The following NCOA1 variants were observed in gnomAD, a reference collection of about 807,000 sequenced individuals.
NCOA1 encodes the protein nuclear receptor coactivator 1, also known as Hin-2 protein.
In NCOA1, 35 loss-of-function variants were observed where a neutral mutation model predicts 150.9. That is an observed-to-expected ratio of 0.23 (90% CI 0.18 to 0.31). The LOEUF (loss-of-function observed/expected upper bound fraction) is 0.31, where lower values mean the gene tolerates loss of function less well. Among genes scored for constraint, NCOA1 ranks in the 10% least tolerant of loss-of-function variants. The probability of loss-of-function intolerance (pLI) is 1.00; values close to 1 mark genes in which losing one functional copy is unlikely to be tolerated. For missense variants in NCOA1, 1,491 were observed against 1,749.3 expected (o/e 0.85, Z 2.63); for synonymous variants, 590 against 630.0 (o/e 0.94, Z 0.95).
intron 3 of NCOA1, among the ~76,000 whole-genome samples, chr2:24,614,196 A>ATTTTTT (rs1558840251): frequency 7.6e-5 from 1 of 13,160 alleles, no homozygotes; most frequent in Non-Finnish European, 1.8e-4. Flanking sequence ...ATTCATTTCC[A>ATTTTTT]TTCTTTTTTT....
intron 1 of NCOA1, among the ~76,000 whole-genome samples, chr2:24,536,490 C>T (rs970664922): frequency 2.6e-5 from 4 of 152,140 alleles, no homozygotes; most frequent in East Asian, 1.9e-4. Flanking sequence ...AGCTCTGTTC[C>T]GTTCCTGGCA....
chr2:24,692,732 T>C (rs1672721791), intron 9 of NCOA1, among the ~76,000 whole-genome samples: 3 of 152,242 alleles, frequency 2.0e-5, no homozygotes, highest in South Asian at 2.1e-4. Context: ...TAGGAAGGAA[T>C]GGTTTATGCC....
At chr2:24,609,681 G>T (rs1668534587) in intron 3 of NCOA1, among the ~76,000 whole-genome samples, 1 of 151,458 alleles carries the variant, frequency 6.6e-6, no homozygotes, top group East Asian at 1.9e-4. Context: ...TCTTTATTGT[G>T]CATTTGATTT....
chr2:24,549,031 A>C (rs1665721619), intron 1 of NCOA1, among the ~76,000 whole-genome samples: 1 of 151,970 alleles, frequency 6.6e-6, no homozygotes, highest in African/African-American at 2.4e-5. Flanking sequence ...TCTGACCCCC[A>C]CATTTCCCTT....
intron 17 of NCOA1, among the ~76,000 whole-genome samples, chr2:24,730,026 A>G (rs894076909): frequency 6.6e-6 from 1 of 151,992 alleles, no homozygotes; most frequent in Non-Finnish European, 1.5e-5. Context: ...TTATATTTTT[A>G]GTAAAGACAG....
Position 24,523,520 on chromosome 2 carries a change from G to A in NCOA1, c.-396+31918G>A, listed in dbSNP as rs543383771. 5.4e-4 allele frequency among the ~76,000 whole-genome samples: 79 copies of A among 145,186 alleles called. 1 individual carries two copies. Among genetic ancestry groups the A allele is most frequent in the African/African-American group, 1.9e-3 (74 of 39,410 alleles). On this transcript the variant is annotated intron_variant, in intron 1 of 22. Transcript: ENST00000348332. ...ACTCGGGAGGCTGAGGCAGGAGAAT[G>A]GCGTGAACCCGGGAGATGGAGCTTA...
At chr2:24,510,953 A>G (rs1349364522) in intron 1 of NCOA1, among the ~76,000 whole-genome samples, 1 of 152,172 alleles carries the variant, frequency 6.6e-6, no homozygotes, top group African/African-American at 2.4e-5. Flanking sequence ...GTAATATCAA[A>G]CTTTTGTTTC....
intron 3 of NCOA1, among the ~76,000 whole-genome samples, chr2:24,629,845 TATGTA>T (rs1183648243): frequency 7.1e-6 from 1 of 141,754 alleles, no homozygotes; most frequent in East Asian, 2.1e-4. Context: ...TATATATATA[TATGTA>T]TTTTTTTTTT....
intron 3 of NCOA1, among the ~76,000 whole-genome samples, chr2:24,639,904 GTATGTGTGTGTGTATATATATA>G (rs1670105817): frequency 2.0e-5 from 1 of 49,584 alleles, no homozygotes. Context: ...AAAAAAAAAA[GTATGTGTGTGTGTATATATATA>G]TATATATATA....
chr2:24,751,945 A>G, intron 19 of NCOA1, 37 bp from the exon 20 acceptor site: 4 of 1,544,288 alleles, frequency 2.6e-6, no homozygotes, highest in Non-Finnish European at 3.5e-6. Flanking sequence ...ATAAATTTAT[A>G]GTGTATCAAC....
chr2:24,550,630 A>G (rs753482084), intron 1 of NCOA1, among the ~76,000 whole-genome samples: 39 of 152,224 alleles, frequency 2.6e-4, no homozygotes, highest in Non-Finnish European at 4.4e-4. Flanking sequence ...TTGGGTGGGG[A>G]CACAGCCAAA....
At chr2:24,715,208 A>C (rs1288189226) in intron 14 of NCOA1, among the ~76,000 whole-genome samples, 1 of 152,170 alleles carries the variant, frequency 6.6e-6, no homozygotes, top group Non-Finnish European at 1.5e-5. Flanking sequence ...TACAGAAAAT[A>C]ATAAGAGAGC....
intron 3 of NCOA1, among the ~76,000 whole-genome samples, chr2:24,589,400 G>A (rs1667550273): frequency 6.6e-6 from 1 of 152,160 alleles, no homozygotes; most frequent in Admixed American, 6.5e-5. Context: ...CTCTGGCAAA[G>A]TCGTCAATCT....
At chr2:24,588,631 T>C (rs1242320930) in intron 3 of NCOA1, among the ~76,000 whole-genome samples, 1 of 152,158 alleles carries the variant, frequency 6.6e-6, no homozygotes, top group Admixed American at 6.5e-5. Context: ...GTCTTTAGAG[T>C]TGTACTGGCC....
chr2:24,719,959 C>A (rs1284886147), intron 14 of NCOA1, among the ~76,000 whole-genome samples: 6 of 152,082 alleles, frequency 3.9e-5, no homozygotes, highest in African/African-American at 1.2e-4. Context: ...GAACAAAGTG[C>A]ACAATTTGAC....
chr2:24,664,187 T>A (rs527888188), intron 5 of NCOA1, among the ~76,000 whole-genome samples: 11 of 152,338 alleles, frequency 7.2e-5, no homozygotes, highest in Non-Finnish European at 1.2e-4. Flanking sequence ...TTGCTGCATT[T>A]TCTTGTTGTG....
At chr2:24,604,952 A>G (rs1454550270) in intron 3 of NCOA1, among the ~76,000 whole-genome samples, 2 of 152,150 alleles carry the variant, frequency 1.3e-5, no homozygotes, top group Non-Finnish European at 2.9e-5. Context: ...TTGAACAGTT[A>G]AAGGCTATTG....
chr2:24,706,675 G>T lies in NCOA1; in HGVS notation c.1205G>T (p.Arg402Leu). ...ATCTCTCCAGCTCATGGTGTGGCTCGTTCATCCACATTGCCACCATCCAAC... is the reference window on the plus strand; with the variant it reads ...ATCTCTCCAGCTCATGGTGTGGCTCTTTCATCCACATTGCCACCATCCAAC... ...PSISPAHGVA[R>L]SSTLPPSNSN... Residue 402 changes from arginine (R) to leucine (L), a missense_variant, in exon 13 of 23, where the codon CGT becomes CTT. Arg to Leu is a moderately radical substitution (Grantham distance 102). Coordinates refer to ENST00000348332, the MANE Select transcript of NCOA1 (RefSeq NM_003743.5). 1 of 1,605,178 alleles carries T rather than the reference G, an allele frequency of 6.2e-7. No homozygotes were observed. Among genetic ancestry groups the T allele is most frequent in the African/African-American group, 1.3e-5 (1 of 74,672 alleles).
intron 1 of NCOA1, among the ~76,000 whole-genome samples, chr2:24,519,293 A>T (rs552967620): frequency 6.6e-6 from 1 of 152,312 alleles, no homozygotes; most frequent in Admixed American, 6.5e-5. Context: ...GGCTAATTGA[A>T]AAAAGCCAGT....
Sources: gnomAD v4.1 joint callset for allele counts (sites outside exome capture counted in the v4.1 genomes callset) on GRCh38, gnomAD v4.1.1 for gene constraint, MANE v1.5 for transcripts, NCBI Gene and HGNC (gene_info 2026-07-23, HGNC 2026-07-21) for gene names.